AOX1: variants seen among roughly 807,000 people sequenced by gnomAD.
The protein encoded by AOX1 is aldehyde oxidase 1, also known as aldehyde oxidase.
AOX1 carries 153 observed loss-of-function variants against 169.5 expected under a neutral mutation model. The ratio of observed to expected loss-of-function variants is 0.90; its 90% CI spans 0.79 to 1.03. The LOEUF (loss-of-function observed/expected upper bound fraction) is 1.03. Ranked by LOEUF, AOX1 falls within the 50% of genes least tolerant of loss-of-function variation. The pLI is 0.00. For missense variants in AOX1, 1,656 were observed against 1,663.9 expected, an observed-to-expected ratio of 1.00 and a Z score of 0.08; for synonymous variants, 562 against 581.9, an observed-to-expected ratio of 0.97 and a Z score of 0.49.
chr2:200,641,178 A>G lies in AOX1; in HGVS notation c.2649A>G (p.Ser883=), dbSNP rs773377265. 1.2e-6 allele frequency: 2 copies of G among 1,607,500 alleles called. No homozygotes were observed. Among genetic ancestry groups the G allele is most frequent in the Non-Finnish European group, 1.7e-6 (2 of 1,174,154 alleles). ...ATGCAGGCGCCTCCTTGGATGAATC[A>G]TTATTCGTAAGTGTTTTAAGGAGCA... The part of the protein sequence containing the change: ...YSNAGASLDE[S]LFVIEMGLLK... The change falls in exon 24 of 35, where the codon TCA becomes TCG. Residue 883 remains serine (S), a synonymous_variant. Transcript: ENST00000374700.
chr2:200,640,725 G>A (rs2035336696), intron 23 of AOX1, among the ~76,000 whole-genome samples: 1 of 152,212 alleles, frequency 6.6e-6, no homozygotes, highest in Admixed American at 6.5e-5. Context: ...CTGGATTATA[G>A]TGACAGAAGC....
chr2:200,647,781 T>A (rs1486000836), intron 25 of AOX1, among the ~76,000 whole-genome samples: 1 of 152,208 alleles, frequency 6.6e-6, no homozygotes, highest in Non-Finnish European at 1.5e-5. Context: ...TTGTTCCTAT[T>A]TTCTATTCTT....
intron 20 of AOX1, among the ~76,000 whole-genome samples, chr2:200,629,008 G>C (rs756645364): frequency 8.5e-5 from 13 of 152,120 alleles, no homozygotes; most frequent in African/African-American, 1.4e-4. Context: ...ACAAGAATAG[G>C]AAGAGTCCTA....
chr2:200,673,951 C>G (rs1559266093), downstream of AOX1, among the ~76,000 whole-genome samples: 1 of 152,198 alleles, frequency 6.6e-6, no homozygotes, highest in South Asian at 2.1e-4. Context: ...TCTGCAGTTA[C>G]AGGCACAAAA....
chr2:200,676,088 C>T (rs1441139396), downstream of AOX1, among the ~76,000 whole-genome samples: 1 of 151,958 alleles, frequency 6.6e-6, no homozygotes, highest in Non-Finnish European at 1.5e-5. Flanking sequence ...ATACTAGTTT[C>T]CTTTGCGAAG....
At chr2:200,652,022 T>G (rs769948188) in intron 26 of AOX1, among the ~76,000 whole-genome samples, 1 of 152,092 alleles carries the variant, frequency 6.6e-6, no homozygotes, top group Non-Finnish European at 1.5e-5. Context: ...ATTCACTCCT[T>G]GGTTGGAGTC....
At position 200,604,103 on chromosome 2, in the gene AOX1, T is replaced by C; in HGVS notation, c.669+6T>C. 6.3e-7 allele frequency: 1 copy of C among 1,591,816 alleles called. No homozygotes were observed. Among genetic ancestry groups the C allele is most frequent in the South Asian group, 1.1e-5 (1 of 90,616 alleles). ...TATTTCCTCCTGAGCTAATGGTGAG[T>C]AAAGCAATGTTGAGCTCATCCTAGA... On this transcript the variant is annotated splice_donor_region_variant and intron_variant, in intron 8 of 34. Coordinates refer to ENST00000374700, the MANE Select transcript of AOX1 (RefSeq NM_001159.4).
At chr2:200,602,991 C>A (rs544362903) in intron 6 of AOX1, among the ~76,000 whole-genome samples, 59 of 152,188 alleles carry the variant, frequency 3.9e-4, no homozygotes, top group African/African-American at 1.4e-3. Flanking sequence ...AACAGTTAAT[C>A]ATTATTAATA....
rs945063731 is a variant in AOX1 at position 200,671,147 on chromosome 2, C to G, written c.*468C>G. ...GTCAGAATGAATATAGACACTGTAT[C>G]TAAGTGGGACCAAAGAAAAAATAGC... On this transcript the variant is annotated 3_prime_UTR_variant, in exon 35 of 35. Transcript: ENST00000374700. 4 of 152,786 alleles carry G rather than the reference C, an allele frequency of 2.6e-5. No individual in the cohort carries two copies. The highest frequency in any genetic ancestry group is 4.8e-5 in the African/African-American group (2 of 41,462). 9.5% of individuals were successfully genotyped at this position (152,786 alleles called of 1,614,324 possible).
chr2:200,612,128 C>G (rs1433561739), intron 13 of AOX1, among the ~76,000 whole-genome samples: 1 of 152,078 alleles, frequency 6.6e-6, no homozygotes, highest in Non-Finnish European at 1.5e-5. Flanking sequence ...CTACCTATAT[C>G]TTGGGTTTTG....
chr2:200,619,061 T>C (rs986648171), intron 16 of AOX1, among the ~76,000 whole-genome samples: 1 of 152,226 alleles, frequency 6.6e-6, no homozygotes, highest in African/African-American at 2.4e-5. Flanking sequence ...ATAGGCTTTC[T>C]CAAACTGCAC....
chr2:200,612,824 T>C (rs1308221441), intron 14 of AOX1, 31 bp downstream of exon 14: 1 of 1,580,786 alleles, frequency 6.3e-7, no homozygotes, highest in Non-Finnish European at 8.6e-7. Flanking sequence ...GCTCCTCTAA[T>C]ACTTGTCCTT....
intron 28 of AOX1, among the ~76,000 whole-genome samples, 195 bp from the exon 29 acceptor site, chr2:200,659,786 TCACACACACACACA>T (rs56916091): frequency 1.5e-4 from 14 of 96,100 alleles, no homozygotes; most frequent in African/African-American, 4.5e-4. Context: ...GTTCTCTCTC[TCACACACACACACA>T]CACACACACA....
chr2:200,612,613 A>G lies in AOX1; in HGVS notation c.1268A>G (p.Glu423Gly). 6.2e-7 allele frequency: 1 copy of G among 1,613,310 alleles called. No homozygotes were observed. The highest frequency in any genetic ancestry group is 8.5e-7 in the Non-Finnish European group (1 of 1,179,802). ...SVNIPYSRKW[E>G]FVSAFRQAQR... ...CCACTTAACTGTTTCTTTCAGTGGG[A>G]ATTTGTGTCAGCCTTCCGACAAGCC... is the stretch of plus-strand genomic sequence containing the variant. The change falls in exon 14 of 35, where the codon GAA becomes GGA. Residue 423 changes from glutamate to glycine, a missense_variant. Glu to Gly is a moderately conservative substitution (Grantham distance 98). Transcript: ENST00000374700.
At chr2:200,658,977 C>G (rs2035750493) in intron 27 of AOX1, among the ~76,000 whole-genome samples, 188 bp from the exon 28 acceptor site, 1 of 152,202 alleles carries the variant, frequency 6.6e-6, no homozygotes. Flanking sequence ...GTGTTCAGGA[C>G]TTGGGGTCCA....
At chr2:200,655,763 C>T (rs1426497974) in intron 26 of AOX1, among the ~76,000 whole-genome samples, 1 of 152,096 alleles carries the variant, frequency 6.6e-6, no homozygotes, top group Non-Finnish European at 1.5e-5. Flanking sequence ...GTTCTCCAAG[C>T]ATGGTCCACG....
At chr2:200,614,171 C>A (rs2034702340) in intron 15 of AOX1, among the ~76,000 whole-genome samples, 1 of 152,214 alleles carries the variant, frequency 6.6e-6, no homozygotes, top group Admixed American at 6.5e-5. Flanking sequence ...AAGAGTTGAT[C>A]AGGCTTTTAT....
At chr2:200,647,667 C>T (rs2035485129) in intron 25 of AOX1, among the ~76,000 whole-genome samples, 1 of 152,098 alleles carries the variant, frequency 6.6e-6, no homozygotes, top group Non-Finnish European at 1.5e-5. Context: ...CTTGATTATC[C>T]CCCTGAATAT....
intron 18 of AOX1, among the ~76,000 whole-genome samples, chr2:200,623,483 G>T (rs188366074): frequency 6.6e-6 from 1 of 152,326 alleles, no homozygotes; most frequent in Admixed American, 6.5e-5. Context: ...GTGACTTCCT[G>T]GTCCTCCCTG....
Sources: allele counts gnomAD v4.1 joint callset (sites outside exome capture counted in the v4.1 genomes callset), GRCh38; gene constraint gnomAD v4.1.1; transcripts MANE v1.5; gene names NCBI Gene and HGNC (gene_info 2026-07-23, HGNC 2026-07-21).